Variants in TET2 observed in about 807,000 individuals in gnomAD.
TET2 encodes tet methylcytosine dioxygenase 2.
A neutral mutation model predicts 142.9 loss-of-function variants in TET2; 299 were observed. The ratio of observed to expected loss-of-function variants is 2.09; its 90% CI spans 1.90 to 2.30. The LOEUF is 2.30. Ranked by LOEUF, TET2 falls within the 30% of genes most tolerant of loss-of-function variation. The probability of loss-of-function intolerance (pLI) is 0.00; values close to 1 mark genes in which losing one functional copy is unlikely to be tolerated. For synonymous variants in TET2, 819 were observed against 849.0 expected, an observed-to-expected ratio of 0.96 and a Z score of 0.61; for missense variants, 2,418 against 2,378.0, an observed-to-expected ratio of 1.02 and a Z score of -0.35.
At chr4:105,187,335 C>G (rs1417219601) in intron 1 of TET2, among the ~76,000 whole-genome samples, 1 of 152,154 alleles carries the variant, frequency 6.6e-6, no homozygotes, top group Non-Finnish European at 1.5e-5. Flanking sequence ...TTGCTGAACT[C>G]AGATTTAAGA....
intron 2 of TET2, among the ~76,000 whole-genome samples, chr4:105,214,995 C>T (rs971787566): frequency 1.3e-5 from 2 of 152,194 alleles, no homozygotes; most frequent in South Asian, 4.2e-4. Flanking sequence ...GTGTCTGTGG[C>T]AGGAGCATCT....
chr4:105,261,219 T>C (rs1321155142), intron 7 of TET2, among the ~76,000 whole-genome samples: 1 of 152,090 alleles, frequency 6.6e-6, no homozygotes, highest in Non-Finnish European at 1.5e-5. Flanking sequence ...TAACTGAGCA[T>C]TTCCCCTTTC....
intron 4 of TET2, chr4:105,242,289 T>C (rs1360766332): frequency 3.7e-6 from 4 of 1,081,096 alleles, no homozygotes; most frequent in Non-Finnish European, 4.5e-6. Flanking sequence ...TTTTTTGTTT[T>C]GTTTTTTAAA....
chr4:105,158,327 T>G (rs950075919), intron 1 of TET2, among the ~76,000 whole-genome samples: 2 of 152,202 alleles, frequency 1.3e-5, no homozygotes, highest in Admixed American at 1.3e-4. Context: ...GGTTAAAAAC[T>G]TAGTTATTGA....
chr4:105,248,822 T>C (rs1729713431), intron 6 of TET2, among the ~76,000 whole-genome samples: 1 of 152,098 alleles, frequency 6.6e-6, no homozygotes, highest in African/African-American at 2.4e-5. Flanking sequence ...TCTCCCCTTC[T>C]TCCTTCCTCT....
At chr4:105,216,700 G>T (rs192735369) in intron 2 of TET2, among the ~76,000 whole-genome samples, 1 of 151,812 alleles carries the variant, frequency 6.6e-6, no homozygotes, top group Non-Finnish European at 1.5e-5. Flanking sequence ...TCCTGTTTTT[G>T]TTCTATGAAA....
chr4:105,213,488 ATTC>A (rs1727292638), intron 2 of TET2, among the ~76,000 whole-genome samples: 1 of 152,214 alleles, frequency 6.6e-6, no homozygotes. Flanking sequence ...CCACATCTGT[ATTC>A]TTCTCATTGT....
intron 1 of TET2, among the ~76,000 whole-genome samples, chr4:105,163,806 CGAGAGAGAGAGAGAGAGAGAGAGA>C (rs59658275): frequency 9.5e-4 from 76 of 79,794 alleles, no homozygotes; most frequent in African/African-American, 1.2e-3. Flanking sequence ...TCGAAAGTTT[CGAGAGAGAGAGAGAGAGAGAGAGA>C]GAGAGAGAGA....
chr4:105,241,791 T>C, intron 4 of TET2: 1 of 1,251,052 alleles, frequency 8.0e-7, no homozygotes, highest in Non-Finnish European at 1.0e-6. Context: ...GCAGAAAGAC[T>C]GGTAAAGTGT....
At chr4:105,255,436 TGAG>T (rs1181676983) in intron 6 of TET2, among the ~76,000 whole-genome samples, 1 of 152,232 alleles carries the variant, frequency 6.6e-6, no homozygotes, top group African/African-American at 2.4e-5. Context: ...CACGTGTGCT[TGAG>T]AAGAATGTGT....
intron 1 of TET2, among the ~76,000 whole-genome samples, chr4:105,147,241 C>G (rs1445684508): frequency 1.3e-5 from 2 of 152,262 alleles, no homozygotes; most frequent in Non-Finnish European, 2.9e-5. Context: ...AGAAAACTTA[C>G]CTTTGTGCCT....
At chr4:105,237,574 C>A in intron 3 of TET2, 1 of 1,486,928 alleles carries the variant, frequency 6.7e-7, no homozygotes. Flanking sequence ...ATTAAATAAT[C>A]GTGCATGTTT....
chr4:105,179,133 A>G (rs924645068), intron 1 of TET2, among the ~76,000 whole-genome samples: 5 of 152,224 alleles, frequency 3.3e-5, no homozygotes, highest in African/African-American at 1.2e-4. Context: ...CTGCCTTGAC[A>G]CATGGGTATT....
intron 2 of TET2, among the ~76,000 whole-genome samples, chr4:105,233,132 C>T (rs1385278603): frequency 6.6e-6 from 1 of 151,860 alleles, no homozygotes; most frequent in Non-Finnish European, 1.5e-5. Flanking sequence ...ACCTGTAATC[C>T]CAGCACTTTG....
intron 8 of TET2, among the ~76,000 whole-genome samples, chr4:105,265,136 A>G (rs755051148): frequency 6.6e-6 from 1 of 152,246 alleles, no homozygotes; most frequent in Non-Finnish European, 1.5e-5. Flanking sequence ...TTTATCATAC[A>G]TGAAGATGAC....
intron 6 of TET2, among the ~76,000 whole-genome samples, chr4:105,259,272 G>C (rs1406557403): frequency 6.6e-6 from 1 of 152,128 alleles, no homozygotes; most frequent in Non-Finnish European, 1.5e-5. Flanking sequence ...TATATTCTTA[G>C]AGAAGTTACT....
chr4:105,254,391 C>T (rs1412010388), intron 6 of TET2, among the ~76,000 whole-genome samples: 1 of 152,068 alleles, frequency 6.6e-6, no homozygotes, highest in African/African-American at 2.4e-5. Flanking sequence ...TGTGTGGGCA[C>T]ATTTGTTCAT....
chr4:105,147,870 G>T (rs1723107977), intron 1 of TET2: 1 of 186 alleles, frequency 5.4e-3, no homozygotes, highest in African/African-American at 0.042. Context: ...GGAGCGCAGC[G>T]TTGGAGTTGC....
At chr4:105,190,290 C>T (rs541011900) in intron 1 of TET2, 70 bp from the exon 2 acceptor site, 17 of 549,792 alleles carry the variant, frequency 3.1e-5, no homozygotes, top group African/African-American at 2.3e-4. Context: ...CTTTTAAACT[C>T]TTTATATCAG....
Sources: allele counts gnomAD v4.1 joint callset (sites outside exome capture counted in the v4.1 genomes callset), GRCh38; gene constraint gnomAD v4.1.1; transcripts MANE v1.5; gene names NCBI Gene and HGNC (gene_info 2026-07-23, HGNC 2026-07-21).